Variants in PTPRM observed in about 807,000 individuals in gnomAD.
The protein encoded by PTPRM is receptor-type tyrosine-protein phosphatase mu.
PTPRM carries 47 observed loss-of-function variants against 186.7 expected under a neutral mutation model. The ratio of observed to expected loss-of-function variants is 0.25; its 90% CI spans 0.20 to 0.32. The LOEUF (loss-of-function observed/expected upper bound fraction) is 0.32, where lower values mean the gene tolerates loss of function less well. Ranked by LOEUF, PTPRM falls within the 10% of genes least tolerant of loss-of-function variation. The probability of loss-of-function intolerance (pLI) is 1.00; values close to 1 mark genes in which losing one functional copy is unlikely to be tolerated. For synonymous variants in PTPRM, 668 were observed against 674.9 expected (o/e 0.99, Z 0.16); for missense variants, 1,494 against 1,865.0 (o/e 0.80, Z 3.66).
intron 9 of PTPRM, among the ~76,000 whole-genome samples, chr18:8,081,053 A>G (rs2090100333): frequency 6.6e-6 from 1 of 152,216 alleles, no homozygotes; most frequent in Non-Finnish European, 1.5e-5. Context: ...AACCTCAATT[A>G]GAGGATGGTG....
At chr18:7,785,294 T>C (rs970715648) in intron 2 of PTPRM, among the ~76,000 whole-genome samples, 4 of 152,128 alleles carry the variant, frequency 2.6e-5, no homozygotes, top group Non-Finnish European at 5.9e-5. Flanking sequence ...CCAGAAAAGA[T>C]GTAATAAGGA....
chr18:8,313,424 T>C (rs1226381623), intron 20 of PTPRM, among the ~76,000 whole-genome samples: 3 of 152,052 alleles, frequency 2.0e-5, no homozygotes, highest in Non-Finnish European at 4.4e-5. Flanking sequence ...ACATATATTT[T>C]CAAAAAACGA....
chr18:7,718,942 C>T (rs1255723284), intron 1 of PTPRM, among the ~76,000 whole-genome samples: 1 of 152,132 alleles, frequency 6.6e-6, no homozygotes, highest in African/African-American at 2.4e-5. Flanking sequence ...TTTTATGCTG[C>T]TTGTGGGAAT....
intron 7 of PTPRM, among the ~76,000 whole-genome samples, chr18:7,997,568 C>T (rs1599946792): frequency 1.3e-5 from 2 of 152,134 alleles, no homozygotes; most frequent in African/African-American, 4.8e-5. Flanking sequence ...GCAAAGGAGA[C>T]AATCAAGAAA....
In PTPRM at chr18:8,140,727, T is replaced by C. The variant is rs529713683; in HGVS notation, c.2168-2920T>C. Among the ~76,000 whole-genome samples, 4 of 152,222 alleles carry C rather than the reference T, an allele frequency of 2.6e-5. No homozygotes were observed. In the South Asian group the frequency reaches 6.2e-4, roughly 24 times the overall value. On this transcript the variant is annotated intron_variant, in intron 13 of 32. Transcript: ENST00000580170. The stretch of plus-strand genomic sequence containing the variant: ...CCACTGATAAATGGACACATGCAAG[T>C]TTATTCTCTTCAAAAGGAACTAAAT...
At chr18:8,043,214 C>G (rs1298460231) in intron 7 of PTPRM, among the ~76,000 whole-genome samples, 1 of 152,180 alleles carries the variant, frequency 6.6e-6, no homozygotes, top group Admixed American at 6.5e-5. Flanking sequence ...TTAGCCCTAC[C>G]AAGCAACAAG....
At chr18:7,818,102 C>T (rs939013592) in intron 2 of PTPRM, among the ~76,000 whole-genome samples, 2 of 152,144 alleles carry the variant, frequency 1.3e-5, no homozygotes, top group Non-Finnish European at 2.9e-5. Flanking sequence ...CCAACACCCT[C>T]TTTGGAGGAA....
chr18:7,642,483 G>T (rs1220809537), intron 1 of PTPRM, among the ~76,000 whole-genome samples: 2 of 152,090 alleles, frequency 1.3e-5, no homozygotes, highest in African/African-American at 2.4e-5. Context: ...GTTAGAAAAT[G>T]GACTTTTTGA....
intron 1 of PTPRM, among the ~76,000 whole-genome samples, chr18:7,765,540 A>G (rs2041977602): frequency 6.6e-6 from 1 of 152,162 alleles, no homozygotes. Flanking sequence ...CTATGTTGGT[A>G]TAGTTTTTTT....
At chr18:7,647,202 A>G in intron 1 of PTPRM, among the ~76,000 whole-genome samples, 1 of 152,190 alleles carries the variant, frequency 6.6e-6, no homozygotes, top group East Asian at 1.9e-4. Flanking sequence ...GCAGCCAGGC[A>G]AAACTCTGAT....
chr18:8,265,119 T>C (rs1049530301), intron 19 of PTPRM, among the ~76,000 whole-genome samples: 2 of 152,210 alleles, frequency 1.3e-5, no homozygotes, highest in African/African-American at 4.8e-5. Context: ...AACAGCGATT[T>C]GTTCTTTGGC....
chr18:7,719,623 G>T (rs940409267), intron 1 of PTPRM, among the ~76,000 whole-genome samples: 2 of 152,126 alleles, frequency 1.3e-5, no homozygotes, highest in African/African-American at 4.8e-5. Flanking sequence ...AAAACATTTA[G>T]ACTACAGATA....
intron 1 of PTPRM, chr18:7,755,388 C>T (rs1275620589): frequency 1.3e-5 from 2 of 152,100 alleles, no homozygotes; most frequent in Non-Finnish European, 2.9e-5. Context: ...AGGAGGAAGA[C>T]CAGAAATGAG....
chr18:8,041,443 T>C (rs1005203249), intron 7 of PTPRM, among the ~76,000 whole-genome samples: 6 of 148,912 alleles, frequency 4.0e-5, no homozygotes, highest in African/African-American at 1.5e-4. Context: ...TAGTCTGCAC[T>C]GAGATGCACC....
chr18:7,665,873 G>C (rs2039083733), intron 1 of PTPRM, among the ~76,000 whole-genome samples: 1 of 151,880 alleles, frequency 6.6e-6, no homozygotes, highest in Non-Finnish European at 1.5e-5. Flanking sequence ...AGTGAGTTGG[G>C]ATCGCGCCAC....
At chr18:8,123,574 G>A (rs1228271024) in intron 13 of PTPRM, among the ~76,000 whole-genome samples, 2 of 152,276 alleles carry the variant, frequency 1.3e-5, no homozygotes, top group Admixed American at 6.5e-5. Flanking sequence ...GCCCTTGCCT[G>A]CAAGTTTCTT....
chr18:7,706,177 A>G (rs941854679), intron 1 of PTPRM, among the ~76,000 whole-genome samples: 60 of 151,846 alleles, frequency 4.0e-4, no homozygotes, highest in African/African-American at 1.3e-3. Context: ...TTTGAGAGTG[A>G]CATATAGAAG....
chr18:8,226,325 G>A lies in PTPRM; in HGVS notation c.2301-17733G>A, dbSNP rs774003555. 1.3e-4 allele frequency among the ~76,000 whole-genome samples: 17 copies of A among 134,588 alleles called. 1 individual carries two copies. Among genetic ancestry groups the A allele is most frequent in the East Asian group, 2.2e-4 (1 of 4,622 alleles). 88.3% of individuals were successfully genotyped at this position (134,588 alleles called of 152,430 possible). A position where few individuals can be genotyped will look rare whatever the true frequency, so the allele number is the denominator to read the frequency against. ...ATAAATAGCATGTAAAGGCCAAATCGTTTGCTTTCTACATTCTTATTAACA... is the reference window on the plus strand; with the variant it reads ...ATAAATAGCATGTAAAGGCCAAATCATTTGCTTTCTACATTCTTATTAACA... On this transcript the variant is annotated intron_variant, in intron 14 of 32. Transcript: ENST00000580170.
intron 14 of PTPRM, among the ~76,000 whole-genome samples, chr18:8,158,550 C>T (rs1458595179): frequency 1.3e-5 from 2 of 152,050 alleles, no homozygotes; most frequent in Admixed American, 1.3e-4. Flanking sequence ...GAAATATATG[C>T]ATTAAGAAAA....
Sources: allele counts gnomAD v4.1 joint callset (sites outside exome capture counted in the v4.1 genomes callset), GRCh38; gene constraint gnomAD v4.1.1; transcripts MANE v1.5; gene names NCBI Gene and HGNC (gene_info 2026-07-23, HGNC 2026-07-21).